THRAP3: variants seen among roughly 807,000 people sequenced by gnomAD.
THRAP3 encodes thyroid hormone receptor-associated protein 3.
In THRAP3, 16 loss-of-function variants were observed where a neutral mutation model predicts 101.0. The observed-to-expected ratio is 0.16, with a 90% CI of 0.11 to 0.24. The LOEUF is 0.24. Among genes scored for constraint, THRAP3 ranks in the 10% least tolerant of loss-of-function variants. The probability of loss-of-function intolerance (pLI) is 1.00; values close to 1 mark genes in which losing one functional copy is unlikely to be tolerated. For missense variants in THRAP3, 989 were observed against 1,202.7 expected (o/e 0.82, Z 2.63); for synonymous variants, 407 against 422.6 (o/e 0.96, Z 0.45).
chr1:36,249,340 C>T (rs934354080), intron 1 of THRAP3, among the ~76,000 whole-genome samples: 11 of 151,912 alleles, frequency 7.2e-5, no homozygotes, highest in Admixed American at 4.6e-4. Context: ...CACAGGTGCC[C>T]GCCACCACAC....
At chr1:36,217,275 T>C in the THRAP3 span, among the ~76,000 whole-genome samples, 1 of 152,156 alleles carries the variant, frequency 6.6e-6, no homozygotes, top group South Asian at 2.1e-4. Flanking sequence ...GTGGCTCCTA[T>C]ATATCTGGAA....
chr1:36,212,105 C>T, the THRAP3 span, among the ~76,000 whole-genome samples: 2 of 152,228 alleles, frequency 1.3e-5, no homozygotes, highest in African/African-American at 4.8e-5. Flanking sequence ...TGTTTCTCAA[C>T]TCATGCTCTG....
chr1:36,263,466 TATC>T (rs1645473944), intron 2 of THRAP3, among the ~76,000 whole-genome samples: 1 of 152,196 alleles, frequency 6.6e-6, no homozygotes. Flanking sequence ...AGAAAAGATT[TATC>T]ATAATGAGAG....
Position 36,300,953 on chromosome 1 carries a change from A to G in THRAP3, c.2371A>G (p.Lys791Glu). The change falls in exon 10 of 12, where the codon AAA becomes GAA. Residue 791 changes from lysine to glutamate, a missense_variant. Lys to Glu is a moderately conservative substitution (Grantham distance 56). Transcript: ENST00000354618. Reference sequence around the variant, plus strand: ...TTCCTCCCAGTCATCTCACTCCTACAAAGCAGAAGAGTACACTGAAGAGAC... The same window carrying G: ...TTCCTCCCAGTCATCTCACTCCTACGAAGCAGAAGAGTACACTGAAGAGAC... ...SSSSQSSHSY[K>E]AEEYTEETEE... The G allele has an allele frequency of 6.2e-7, 1 of 1,614,162 alleles. No homozygotes were observed. The highest frequency in any genetic ancestry group is 1.7e-4 in the Middle Eastern group (1 of 6,054).
At chr1:36,269,410 T>G (rs187249914) in intron 2 of THRAP3, among the ~76,000 whole-genome samples, 86 of 152,340 alleles carry the variant, frequency 5.6e-4, no homozygotes, top group Middle Eastern at 3.4e-3. Flanking sequence ...TGAAGTATTC[T>G]CATGTCTAAA....
intron 2 of THRAP3, among the ~76,000 whole-genome samples, chr1:36,274,986 T>C (rs1645638063): frequency 6.6e-6 from 1 of 150,486 alleles, no homozygotes; most frequent in African/African-American, 2.4e-5. Flanking sequence ...AAGAATAGTC[T>C]TTTTTGGCCG....
intron 2 of THRAP3, among the ~76,000 whole-genome samples, chr1:36,278,065 T>C (rs976706354): frequency 1.4e-4 from 21 of 147,028 alleles, no homozygotes; most frequent in African/African-American, 5.1e-4. Context: ...AGCCCCCCTT[T>C]TTTTTTTTTT....
chr1:36,290,221 G>T (rs1197932456), intron 5 of THRAP3, among the ~76,000 whole-genome samples: 1 of 151,308 alleles, frequency 6.6e-6, no homozygotes, highest in Non-Finnish European at 1.5e-5. Flanking sequence ...TTTGAGACGG[G>T]GTCTCCCTCT....
rs1645842324 is a variant in THRAP3, at chr1:36,289,775, C to G, written c.1745+11C>G. 2 of 1,584,238 alleles carry G rather than the reference C, an allele frequency of 1.3e-6. No individual in the cohort carries two copies. The highest frequency in any genetic ancestry group is 1.7e-6 in the Non-Finnish European group (2 of 1,166,620). ...TGAGGACCTCGCACGGTGAGATATG[C>G]TCCTTCTTGATCCTCAGTGCTTTAG... On this transcript the variant is annotated intron_variant, in intron 5 of 11. Transcript: ENST00000354618.
intron 1 of THRAP3, among the ~76,000 whole-genome samples, chr1:36,245,253 A>G (rs1231251200): frequency 6.7e-6 from 1 of 148,742 alleles, no homozygotes; most frequent in Non-Finnish European, 1.5e-5. Context: ...TGCAACCTCC[A>G]TATCCCAGGT....
At chr1:36,258,388 A>G (rs1645402821) in intron 1 of THRAP3, among the ~76,000 whole-genome samples, 1 of 151,354 alleles carries the variant, frequency 6.6e-6, no homozygotes, top group Non-Finnish European at 1.5e-5. Context: ...TTGTACTTAC[A>G]TTAATAAAGA....
intron 2 of THRAP3, among the ~76,000 whole-genome samples, chr1:36,270,572 TTTTTG>T (rs138526301): frequency 0.78 from 87,562 of 112,862 alleles, 31,987 homozygotes; most frequent in East Asian, 0.87. Flanking sequence ...TTTGTTTAGG[TTTTTG>T]TTTTTTTTTT....
At chr1:36,230,407 C>T (rs138594204) in intron 1 of THRAP3, among the ~76,000 whole-genome samples, 204 of 152,106 alleles carry the variant, frequency 1.3e-3, no homozygotes, top group African/African-American at 4.6e-3. Flanking sequence ...CATGAGCCAC[C>T]GCGCCCAGCC....
chr1:36,219,463 T>G (rs1644892938), upstream of THRAP3, among the ~76,000 whole-genome samples: 1 of 152,142 alleles, frequency 6.6e-6, no homozygotes, highest in Non-Finnish European at 1.5e-5. Context: ...CTCACTCTGT[T>G]GCCTAGACTG....
At chr1:36,303,693 C>A in intron 11 of THRAP3, 103 bp from the exon 12 acceptor site, 1 of 1,549,898 alleles carries the variant, frequency 6.5e-7, no homozygotes, top group Non-Finnish European at 8.7e-7. Context: ...TGGGTTAGGG[C>A]ACAGGTTCTT....
intron 1 of THRAP3, chr1:36,225,131 A>G (rs1298069669): frequency 6.6e-6 from 1 of 152,198 alleles, no homozygotes; most frequent in Non-Finnish European, 1.5e-5. Context: ...CTTAGCACCT[A>G]AGCAACTTTT....
intron 1 of THRAP3, among the ~76,000 whole-genome samples, chr1:36,246,471 T>G (rs1484569467): frequency 6.6e-6 from 1 of 152,144 alleles, no homozygotes; most frequent in African/African-American, 2.4e-5. Flanking sequence ...GATCTCAAGT[T>G]ATCTCTCCGC....
chr1:36,229,860 C>G (rs1645006554), intron 1 of THRAP3, among the ~76,000 whole-genome samples: 1 of 151,102 alleles, frequency 6.6e-6, no homozygotes, highest in African/African-American at 2.4e-5. Context: ...CCATGTTGGT[C>G]AGGCTGGTCT....
the THRAP3 span, among the ~76,000 whole-genome samples, chr1:36,216,495 C>CAAA: frequency 3.5e-4 from 20 of 56,364 alleles, no homozygotes; most frequent in African/African-American, 1.0e-3. Context: ...GACTCCGTCT[C>CAAA]AAAAAAAAAA....
Sources: allele counts gnomAD v4.1 joint callset (sites outside exome capture counted in the v4.1 genomes callset), GRCh38; gene constraint gnomAD v4.1.1; transcripts MANE v1.5; gene names NCBI Gene and HGNC (gene_info 2026-07-23, HGNC 2026-07-21).